Variants in ASCC3 observed in about 807,000 individuals in gnomAD.
ASCC3 encodes ASC-1 complex subunit P200.
ASCC3 carries 158 observed loss-of-function variants against 256.3 expected under a neutral mutation model. The ratio of observed to expected loss-of-function variants is 0.62; its 90% CI spans 0.54 to 0.70. ASCC3 has a LOEUF of 0.70. Among genes scored for constraint, ASCC3 ranks in the 30% least tolerant of loss-of-function variants. The pLI is 0.00. For missense variants in ASCC3, 2,259 were observed against 2,626.0 expected (o/e 0.86, Z 3.05); for synonymous variants, 948 against 883.4 (o/e 1.07, Z -1.30).
At chr6:100,600,334 G>C (rs1370689723) in intron 34 of ASCC3, among the ~76,000 whole-genome samples, 1 of 151,980 alleles carries the variant, frequency 6.6e-6, no homozygotes, top group East Asian at 1.9e-4. Flanking sequence ...AAAGCTTCCA[G>C]CTTCCATATA....
At chr6:100,784,516 G>C (rs1361047735) in intron 8 of ASCC3, among the ~76,000 whole-genome samples, 1 of 151,956 alleles carries the variant, frequency 6.6e-6, no homozygotes, top group East Asian at 1.9e-4. Flanking sequence ...TAGGGTATTG[G>C]AGTAAGTAAT....
intron 24 of ASCC3, among the ~76,000 whole-genome samples, chr6:100,642,070 G>A (rs1314507193): frequency 7.3e-5 from 11 of 151,008 alleles, no homozygotes; most frequent in Non-Finnish European, 1.2e-4. Flanking sequence ...GTTAAATGAC[G>A]AGTTAATAGG....
chr6:100,870,222 T>TA (rs1773671935), intron 1 of ASCC3, among the ~76,000 whole-genome samples: 1 of 75,618 alleles, frequency 1.3e-5, no homozygotes, highest in Non-Finnish European at 2.9e-5. Flanking sequence ...AATGCATTTT[T>TA]AATGCATTTT....
Position 100,516,174 on chromosome 6 carries a change from T to C in ASCC3, c.6075+6A>G. The stretch of plus-strand genomic sequence containing the variant: ...AGCCTTCAAAACACTTAAGAGATGG[T>C]CTTACCTGTTTCGTTTTTGCAGCAT... On this transcript the variant is annotated splice_donor_region_variant and intron_variant, in intron 39 of 41. Transcript: ENST00000369162. The C allele has an allele frequency of 1.2e-6, 2 of 1,613,544 alleles. No individual in the cohort carries two copies. The highest frequency in any genetic ancestry group is 1.7e-6 in the Non-Finnish European group (2 of 1,179,582).
At chr6:100,525,336 C>T (rs1354880673) in intron 37 of ASCC3, among the ~76,000 whole-genome samples, 4 of 151,612 alleles carry the variant, frequency 2.6e-5, no homozygotes, top group African/African-American at 9.7e-5. Context: ...AGAAAAATTA[C>T]ATTAATTTAT....
chr6:100,754,160 C>T (rs1237497037), intron 10 of ASCC3, among the ~76,000 whole-genome samples: 1 of 151,976 alleles, frequency 6.6e-6, no homozygotes, highest in Non-Finnish European at 1.5e-5. Context: ...TCAATTGCAA[C>T]ATTATAAAGC....
chr6:100,785,364 C>T (rs2114277145), intron 8 of ASCC3, among the ~76,000 whole-genome samples: 1 of 152,200 alleles, frequency 6.6e-6, no homozygotes, highest in East Asian at 1.9e-4. Context: ...TTTTATGTTA[C>T]TTAACTGAAT....
chr6:100,869,513 A>T (rs1291040267), intron 1 of ASCC3, among the ~76,000 whole-genome samples: 1 of 152,210 alleles, frequency 6.6e-6, no homozygotes, highest in African/African-American at 2.4e-5. Context: ...ACTTTTAGAA[A>T]TAAAAATATA....
At chr6:100,559,565 C>T (rs1012321898) in intron 36 of ASCC3, among the ~76,000 whole-genome samples, 3 of 152,008 alleles carry the variant, frequency 2.0e-5, no homozygotes, top group Non-Finnish European at 2.9e-5. Flanking sequence ...AATTCTGTTA[C>T]AGGGCTGGGC....
At chr6:100,872,206 G>C (rs116929105) in intron 1 of ASCC3, among the ~76,000 whole-genome samples, 7 of 152,104 alleles carry the variant, frequency 4.6e-5, no homozygotes, top group African/African-American at 1.7e-4. Flanking sequence ...AATTAATGGG[G>C]TACTTGGGAC....
intron 13 of ASCC3, among the ~76,000 whole-genome samples, chr6:100,702,996 T>C (rs1047272121): frequency 3.3e-5 from 5 of 152,146 alleles, no homozygotes; most frequent in Admixed American, 1.3e-4. Context: ...CCAATGATCA[T>C]GTGATAATGT....
At chr6:100,566,548 C>T (rs904450036) in intron 36 of ASCC3, among the ~76,000 whole-genome samples, 3 of 152,092 alleles carry the variant, frequency 2.0e-5, no homozygotes, top group East Asian at 3.9e-4. Context: ...CTTCAGTATC[C>T]CACTATCCAA....
At chr6:100,720,055 T>C (rs1779255311) in intron 11 of ASCC3, among the ~76,000 whole-genome samples, 1 of 151,982 alleles carries the variant, frequency 6.6e-6, no homozygotes. Context: ...GTTACAAATG[T>C]TGAAGTGTGA....
rs546060960 is a variant in ASCC3 at position 100,855,397 on chromosome 6, G to A, written c.242-6690C>T. Reference sequence around the variant, plus strand: ...CTCCCAAAATTCTGGGATTACAGGCGTAAGCCACTGTACCCAGCCAGTATC... The same window carrying A: ...CTCCCAAAATTCTGGGATTACAGGCATAAGCCACTGTACCCAGCCAGTATC... On this transcript the variant is annotated intron_variant, in intron 3 of 41. Transcript: ENST00000369162. Among the ~76,000 whole-genome samples, 37 of 152,298 alleles carry A rather than the reference G, an allele frequency of 2.4e-4. 2 individuals carry two copies. In the South Asian group the frequency reaches 6.4e-3, roughly 26 times the overall value.
Position 100,605,660 on chromosome 6 carries a change from G to C in ASCC3, c.5085C>G (p.Phe1695Leu). ...GAATTACAGCTTTGCCTTGGTCATC[G>C]AACTGCGGCCTCCCAGCACGCCCCA... ...QMMGRAGRPQFDDQGKAVILV... is the reference protein window; with the variant it reads ...QMMGRAGRPQLDDQGKAVILV... The change falls in exon 33 of 42, where the codon TTC (phenylalanine) becomes TTG (leucine). Residue 1695 changes from phenylalanine to leucine, a missense_variant. Physicochemically the swap from Phe to Leu is conservative, Grantham distance 22. Transcript: ENST00000369162. The C allele has an allele frequency of 6.2e-7, 1 of 1,612,708 alleles. No individual in the cohort carries two copies. Among genetic ancestry groups the C allele is most frequent in the Non-Finnish European group, 8.5e-7 (1 of 1,179,060 alleles).
chr6:100,670,633 CTT>C (rs35864984), intron 14 of ASCC3, among the ~76,000 whole-genome samples: 42 of 141,378 alleles, frequency 3.0e-4, no homozygotes, highest in Middle Eastern at 3.7e-3. Context: ...ATACAACCAA[CTT>C]TTTTTCCCCC....
chr6:100,662,371 G>A lies in ASCC3; in HGVS notation c.2452C>T (p.Leu818Phe), dbSNP rs1004857924. 33 of 1,612,906 alleles carry A rather than the reference G, an allele frequency of 2.0e-5. No individual in the cohort carries two copies. The highest frequency in any genetic ancestry group is 1.1e-5 in the Non-Finnish European group (13 of 1,179,322). The change falls in exon 15 of 42, where the codon CTT (leucine) becomes TTT (phenylalanine). Residue 818 changes from leucine (L) to phenylalanine (F), a missense_variant. Coordinates refer to ENST00000369162, the MANE Select transcript of ASCC3 (RefSeq NM_006828.4). ...CTATLAWGVNLPAHAVIIKGT... is the reference protein window; with the variant it reads ...CTATLAWGVNFPAHAVIIKGT... ...TTAATAATAACAGCATGGGCGGGAA[G>A]ATTGACACCCCAGGCTAACGTAGCT...
chr6:100,537,172 AC>A (rs1336549358), intron 37 of ASCC3, among the ~76,000 whole-genome samples: 1 of 152,216 alleles, frequency 6.6e-6, no homozygotes, highest in Admixed American at 6.5e-5. Flanking sequence ...GGCAGACATC[AC>A]CTCAATTGTA....
intron 14 of ASCC3, 31 bp downstream of exon 14, chr6:100,679,587 T>C (rs1243309031): frequency 1.2e-6 from 2 of 1,612,912 alleles, no homozygotes; most frequent in Non-Finnish European, 1.7e-6. Context: ...GCATGTTACA[T>C]GCTTTAGTTC....
Sources: allele counts gnomAD v4.1 joint callset (sites outside exome capture counted in the v4.1 genomes callset), GRCh38; gene constraint gnomAD v4.1.1; transcripts MANE v1.5; gene names NCBI Gene and HGNC (gene_info 2026-07-23, HGNC 2026-07-21).